Variants in ELMO1 observed in about 807,000 individuals in gnomAD.
The protein encoded by ELMO1 is engulfment and cell motility 1.
ELMO1 carries 26 observed loss-of-function variants against 98.9 expected under a neutral mutation model. The ratio of observed to expected loss-of-function variants is 0.26; its 90% CI spans 0.19 to 0.36. ELMO1 has a LOEUF of 0.36. Ranked by LOEUF, ELMO1 falls within the 10% of genes least tolerant of loss-of-function variation. The pLI is 1.00. For synonymous variants in ELMO1, 346 were observed against 346.0 expected (o/e 1.00, Z 0.00); for missense variants, 627 against 935.2 (o/e 0.67, Z 4.30).
chr7:37,247,301 C>T (rs1795066400), intron 6 of ELMO1, among the ~76,000 whole-genome samples: 1 of 152,154 alleles, frequency 6.6e-6, no homozygotes, highest in African/African-American at 2.4e-5. Context: ...TTTTTGAGAG[C>T]TGCTAAGCTC....
intron 1 of ELMO1, among the ~76,000 whole-genome samples, chr7:37,411,673 T>A (rs990553406): frequency 1.3e-5 from 2 of 152,220 alleles, no homozygotes; most frequent in Non-Finnish European, 2.9e-5. Flanking sequence ...TGTATTGTTA[T>A]GTTGAGAAAA....
intron 1 of ELMO1, among the ~76,000 whole-genome samples, chr7:37,447,610 C>T (rs1054996444): frequency 3.3e-5 from 5 of 151,050 alleles, no homozygotes; most frequent in Admixed American, 2.6e-4. Context: ...CACACACACA[C>T]ACACCGACTC....
intron 1 of ELMO1, among the ~76,000 whole-genome samples, chr7:37,384,037 G>A (rs982345057): frequency 1.3e-5 from 2 of 152,114 alleles, no homozygotes; most frequent in East Asian, 3.9e-4. Flanking sequence ...GGATGGTCTC[G>A]ATCTCCTGAC....
intron 13 of ELMO1, among the ~76,000 whole-genome samples, chr7:37,187,470 A>C (rs1022638016): frequency 1.9e-4 from 29 of 152,184 alleles, no homozygotes; most frequent in African/African-American, 6.8e-4. Context: ...CATCAATAAA[A>C]CTGTTAAAAT....
intron 16 of ELMO1, among the ~76,000 whole-genome samples, chr7:36,949,989 C>A (rs1384551037): frequency 6.6e-6 from 1 of 152,206 alleles, no homozygotes; most frequent in Non-Finnish European, 1.5e-5. Flanking sequence ...TAGGTTATGG[C>A]TCTTTCGGTT....
chr7:36,979,539 T>G (rs1790868537), intron 16 of ELMO1, among the ~76,000 whole-genome samples: 1 of 152,126 alleles, frequency 6.6e-6, no homozygotes, highest in Non-Finnish European at 1.5e-5. Context: ...GCGGCTGTCA[T>G]CCCTTGTCCC....
intron 16 of ELMO1, among the ~76,000 whole-genome samples, chr7:36,954,781 G>A (rs1015801968): frequency 3.3e-5 from 5 of 152,072 alleles, no homozygotes; most frequent in Non-Finnish European, 7.4e-5. Context: ...TGGTCTCCTC[G>A]GTCCACTGTC....
intron 16 of ELMO1, among the ~76,000 whole-genome samples, chr7:36,897,195 CCA>C (rs1284120297): frequency 2.0e-5 from 3 of 152,158 alleles, no homozygotes; most frequent in Non-Finnish European, 4.4e-5. Flanking sequence ...GACTTTTCTG[CCA>C]CGTCTTGAGG....
At chr7:37,056,429 A>C (rs2129209045) in intron 15 of ELMO1, among the ~76,000 whole-genome samples, 1 of 152,362 alleles carries the variant, frequency 6.6e-6, no homozygotes, top group Non-Finnish European at 1.5e-5. Context: ...GAACAAGCTT[A>C]AACCAGATCA....
intron 1 of ELMO1, among the ~76,000 whole-genome samples, chr7:37,433,891 C>T (rs1046020411): frequency 2.6e-5 from 4 of 152,134 alleles, no homozygotes; most frequent in African/African-American, 9.7e-5. Flanking sequence ...CCCTCCTCAT[C>T]AGGCCAGGCT....
At chr7:36,978,082 T>C (rs1289081492) in intron 16 of ELMO1, among the ~76,000 whole-genome samples, 1 of 152,200 alleles carries the variant, frequency 6.6e-6, no homozygotes, top group Non-Finnish European at 1.5e-5. Flanking sequence ...CAAACATTGA[T>C]TGTTGAATAA....
At chr7:37,431,709 G>A (rs1027611515) in intron 1 of ELMO1, among the ~76,000 whole-genome samples, 1 of 152,166 alleles carries the variant, frequency 6.6e-6, no homozygotes, top group East Asian at 1.9e-4. Context: ...CCTTTTACCA[G>A]GGTAACTGTG....
chr7:37,361,123 A>T (rs1263615467), intron 1 of ELMO1, among the ~76,000 whole-genome samples: 1 of 152,248 alleles, frequency 6.6e-6, no homozygotes, highest in Non-Finnish European at 1.5e-5. Flanking sequence ...GTACATATTT[A>T]TCATATGACA....
chr7:36,936,713 G>A (rs996101632), intron 16 of ELMO1, among the ~76,000 whole-genome samples: 4 of 152,100 alleles, frequency 2.6e-5, no homozygotes, highest in South Asian at 2.1e-4. Context: ...CTTGGCTTCC[G>A]AAAGTGTTGA....
intron 1 of ELMO1, among the ~76,000 whole-genome samples, chr7:37,431,892 G>C (rs891523573): frequency 1.9e-4 from 29 of 151,958 alleles, no homozygotes; most frequent in African/African-American, 6.8e-4. Flanking sequence ...TTGTTTGTTT[G>C]TTTTTTGACA....
chr7:37,327,550 C>T (rs1799881925), intron 2 of ELMO1, among the ~76,000 whole-genome samples: 1 of 152,226 alleles, frequency 6.6e-6, no homozygotes, highest in African/African-American at 2.4e-5. Flanking sequence ...CAAAAGAACA[C>T]TGAAAGGAAC....
At chr7:37,187,238 T>C (rs150312790) in intron 13 of ELMO1, among the ~76,000 whole-genome samples, 77 of 152,306 alleles carry the variant, frequency 5.1e-4, no homozygotes, top group African/African-American at 1.8e-3. Flanking sequence ...ATTTCATTTA[T>C]ATGAAACATC....
intron 15 of ELMO1, among the ~76,000 whole-genome samples, chr7:37,039,764 T>C (rs1466972769): frequency 6.6e-6 from 1 of 152,226 alleles, no homozygotes; most frequent in African/African-American, 2.4e-5. Context: ...ACACGGTTTA[T>C]TTAGATAAAT....
chr7:37,398,187 T>C (rs185080390), intron 1 of ELMO1, among the ~76,000 whole-genome samples: 1 of 152,266 alleles, frequency 6.6e-6, no homozygotes, highest in Admixed American at 6.5e-5. Context: ...TTAAAAAGGA[T>C]GGCCAATAAT....
Sources: gnomAD v4.1 joint callset for allele counts (sites outside exome capture counted in the v4.1 genomes callset) on GRCh38, gnomAD v4.1.1 for gene constraint, MANE v1.5 for transcripts, NCBI Gene and HGNC (gene_info 2026-07-23, HGNC 2026-07-21) for gene names.